The following CNIH3 variants were observed in gnomAD, a reference collection of about 807,000 sequenced individuals.
CNIH3 encodes the protein cornichon family AMPA receptor auxiliary protein 3, also known as protein cornichon homolog 3.
In CNIH3, 14 loss-of-function variants were observed where a neutral mutation model predicts 24.1. The observed-to-expected ratio is 0.58, with a 90% confidence interval of 0.38 to 0.91. The LOEUF is 0.91. Ranked by LOEUF, CNIH3 falls within the 40% of genes least tolerant of loss-of-function variation. The pLI is 0.00. For synonymous variants in CNIH3, 68 were observed against 73.8 expected, an observed-to-expected ratio of 0.92 and a Z score of 0.40; for missense variants, 178 against 196.8, an observed-to-expected ratio of 0.90 and a Z score of 0.57.
chr1:224,582,670 T>TC (rs1295764735), intron 4 of CNIH3, among the ~76,000 whole-genome samples: 2 of 152,168 alleles, frequency 1.3e-5, no homozygotes, highest in African/African-American at 4.8e-5. Flanking sequence ...CGTGGGGGAC[T>TC]CCAAGTGGCA....
intron 1 of CNIH3, among the ~76,000 whole-genome samples, chr1:224,483,562 G>GTA (rs1381450978): frequency 1.3e-5 from 2 of 151,270 alleles, no homozygotes; most frequent in Non-Finnish European, 3.0e-5. Context: ...GCTAATTTTT[G>GTA]TATTTTTTTT....
At chr1:224,736,709 C>T (rs935354201) in intron 5 of CNIH3, among the ~76,000 whole-genome samples, 1 of 152,162 alleles carries the variant, frequency 6.6e-6, no homozygotes, top group Non-Finnish European at 1.5e-5. Context: ...TTTACTGCTC[C>T]AGCCTGCAGG....
At chr1:224,443,666 G>T (rs187391892) in intron 1 of CNIH3, among the ~76,000 whole-genome samples, 30 of 141,894 alleles carry the variant, frequency 2.1e-4, no homozygotes, top group African/African-American at 3.1e-4. Context: ...TATATATATA[G>T]ATAGATAGAT....
chr1:224,627,689 C>T (rs1683605912), intron 1 of CNIH3, among the ~76,000 whole-genome samples: 1 of 152,178 alleles, frequency 6.6e-6, no homozygotes, highest in Non-Finnish European at 1.5e-5. Context: ...CTGCAGTCTG[C>T]TCTGTGACTC....
chr1:224,467,843 A>G (rs1676211216), intron 1 of CNIH3, among the ~76,000 whole-genome samples: 1 of 151,630 alleles, frequency 6.6e-6, no homozygotes, highest in African/African-American at 2.4e-5. Context: ...GTTTAAATCA[A>G]TGATTCATTT....
At chr1:224,564,689 T>A (rs1039421839) in intron 3 of CNIH3, among the ~76,000 whole-genome samples, 1 of 152,244 alleles carries the variant, frequency 6.6e-6, no homozygotes, top group African/African-American at 2.4e-5. Context: ...TGTGTGAGCC[T>A]CAGGCCCTTC....
intron 3 of CNIH3, among the ~76,000 whole-genome samples, chr1:224,550,475 CTG>C (rs200078053): frequency 1.3e-5 from 2 of 152,214 alleles, no homozygotes; most frequent in East Asian, 3.9e-4. Context: ...AGTGTGTAAA[CTG>C]TGTGTAAGCA....
chr1:224,688,507 A>G (rs1282837709), intron 3 of CNIH3, among the ~76,000 whole-genome samples: 1 of 151,982 alleles, frequency 6.6e-6, no homozygotes, highest in Admixed American at 6.5e-5. Flanking sequence ...TTTACTAAGT[A>G]AGTGAGTGAA....
intron 3 of CNIH3, among the ~76,000 whole-genome samples, chr1:224,712,575 G>A (rs1220301695): frequency 6.6e-6 from 1 of 152,200 alleles, no homozygotes; most frequent in Non-Finnish European, 1.5e-5. Flanking sequence ...TTGAAGAGGT[G>A]AGACTTGAAG....
chr1:224,480,360 G>C (rs182085378), intron 1 of CNIH3, among the ~76,000 whole-genome samples: 2 of 152,218 alleles, frequency 1.3e-5, no homozygotes, highest in Non-Finnish European at 2.9e-5. Flanking sequence ...GAAGACCTCT[G>C]ACATGCCCTG....
intron 4 of CNIH3, 58 bp downstream of exon 4, chr1:224,730,632 C>G: frequency 9.7e-7 from 1 of 1,030,492 alleles, no homozygotes; most frequent in South Asian, 1.4e-5. Flanking sequence ...AGCCTGCTCT[C>G]CAGTGATGAT....
chr1:224,558,681 T>C (rs530819942), intron 3 of CNIH3, among the ~76,000 whole-genome samples: 1 of 152,276 alleles, frequency 6.6e-6, no homozygotes, highest in Admixed American at 6.5e-5. Context: ...CACCCCTTGA[T>C]GGGAGTGGTG....
chr1:224,478,500 T>TA (rs1194204207), intron 1 of CNIH3, among the ~76,000 whole-genome samples: 2 of 152,240 alleles, frequency 1.3e-5, no homozygotes, highest in Non-Finnish European at 2.9e-5. Flanking sequence ...TGCTTATTTT[T>TA]AATTATTTCA....
At position 224,684,977 on chromosome 1, in the gene CNIH3, G is replaced by C; in HGVS notation, c.198+134G>C. ...AGGCAAATGGTGGCAGGGAAAGGGG[G>C]AGGTGGGAGCAAGTGATCAGTTCTT... On this transcript the variant is annotated intron_variant, in intron 3 of 5. Coordinates refer to ENST00000272133, the MANE Select transcript of CNIH3 (RefSeq NM_152495.2). This position sits in a 1 kb window ranked among gnomAD's most constrained non-coding sequence, Gnocchi z 4.2. 1 of 836,726 alleles carries C rather than the reference G, an allele frequency of 1.2e-6. No homozygotes were observed. The highest frequency in any genetic ancestry group is 2.1e-6 in the Non-Finnish European group (1 of 483,814). 51.8% of individuals were successfully genotyped at this position (836,726 alleles called of 1,614,324 possible). A position where few individuals can be genotyped will look rare whatever the true frequency, so the allele number is the denominator to read the frequency against.
At chr1:224,552,351 C>T (rs1380741129) in intron 3 of CNIH3, among the ~76,000 whole-genome samples, 2 of 151,440 alleles carry the variant, frequency 1.3e-5, no homozygotes, top group East Asian at 3.9e-4. Context: ...CCTAATATCA[C>T]AGGGTTTACA....
chr1:224,451,321 A>G (rs562452914), intron 1 of CNIH3, among the ~76,000 whole-genome samples: 4 of 152,300 alleles, frequency 2.6e-5, no homozygotes, highest in Non-Finnish European at 5.9e-5. Context: ...GGTTCAAAAG[A>G]CCCAAGAGTT....
At chr1:224,452,848 C>T (rs1025841284) in intron 1 of CNIH3, among the ~76,000 whole-genome samples, 1 of 147,982 alleles carries the variant, frequency 6.8e-6, no homozygotes, top group Non-Finnish European at 1.5e-5. Context: ...TGGCCAGGTG[C>T]GGTGGCTCGT....
At chr1:224,566,365 T>A (rs1680579985) in intron 4 of CNIH3, 1 of 151,258 alleles carries the variant, frequency 6.6e-6, no homozygotes, top group South Asian at 2.1e-4. Context: ...GAGTTTAATT[T>A]CTTCTTCTTT....
At position 224,445,200 on chromosome 1, in the gene CNIH3, A is replaced by G. The variant is rs370575370; in HGVS notation, n.203+10338A>G. On this transcript the variant is annotated intron_variant and non_coding_transcript_variant, in intron 1 of 5. Transcript: ENST00000471578. ...TATAGTCCTACATATATGTATGTCTATATACATTTTTTGCTATTTGGATGT... is the reference window on the plus strand; with the variant it reads ...TATAGTCCTACATATATGTATGTCTGTATACATTTTTTGCTATTTGGATGT... Among the ~76,000 whole-genome samples the G allele has an allele frequency of 5.9e-5, 9 of 152,058 alleles. No individual in the cohort carries two copies. The East Asian group carries it at 1.3e-3, about 23-fold the overall frequency.
Sources: gnomAD v4.1 joint callset for allele counts (sites outside exome capture counted in the v4.1 genomes callset) on GRCh38, gnomAD v4.1.1 for gene constraint, Gnocchi (gnomAD v3.1) non-coding constraint, MANE v1.5 for transcripts, NCBI Gene and HGNC (gene_info 2026-07-23, HGNC 2026-07-21) for gene names.